The following CAMLG variants were observed in gnomAD, a reference collection of about 807,000 sequenced individuals.
CAMLG encodes the protein guided entry of tail-anchored proteins factor CAMLG.
In CAMLG, 23 loss-of-function variants were observed where a neutral mutation model predicts 28.9. That is an observed-to-expected ratio of 0.80 (90% CI 0.57 to 1.13). The LOEUF (loss-of-function observed/expected upper bound fraction) is 1.13, where lower values mean the gene tolerates loss of function less well. CAMLG is among the 50% of genes most tolerant of loss of function. The pLI, the probability that CAMLG is intolerant of heterozygous loss-of-function variation, is 0.00. For synonymous variants in CAMLG, 141 were observed against 146.5 expected, an observed-to-expected ratio of 0.96 and a Z score of 0.27; for missense variants, 367 against 371.9, an observed-to-expected ratio of 0.99 and a Z score of 0.11.
At chr5:134,746,389 G>A (rs531477934) in intron 3 of CAMLG, among the ~76,000 whole-genome samples, 2 of 152,258 alleles carry the variant, frequency 1.3e-5, no homozygotes, top group African/African-American at 4.8e-5. Context: ...GTGTGATAGA[G>A]ATGTATATAT....
At chr5:134,739,542 T>G (rs1040303987) in intron 1 of CAMLG, among the ~76,000 whole-genome samples, 4 of 152,348 alleles carry the variant, frequency 2.6e-5, no homozygotes, top group African/African-American at 7.2e-5. Context: ...CCAATGATTT[T>G]CTTTAAAAAA....
intron 3 of CAMLG, among the ~76,000 whole-genome samples, chr5:134,747,291 A>G (rs1753060659): frequency 6.6e-6 from 1 of 152,092 alleles, no homozygotes. Flanking sequence ...AGGTGTACAC[A>G]TCGGTATACC....
At chr5:134,742,424 C>CAT (rs1752996073) in intron 2 of CAMLG, among the ~76,000 whole-genome samples, 1 of 152,148 alleles carries the variant, frequency 6.6e-6, no homozygotes, top group African/African-American at 2.4e-5. Flanking sequence ...AAGTGCTTTA[C>CAT]ATATATATAC....
At chr5:134,745,300 G>A (rs559930800) in intron 3 of CAMLG, among the ~76,000 whole-genome samples, 2 of 152,118 alleles carry the variant, frequency 1.3e-5, no homozygotes, top group African/African-American at 2.4e-5. Flanking sequence ...GCCGGGCGTG[G>A]TGGCAGGCAC....
Position 134,738,642 on chromosome 5 carries a change from A to C in CAMLG, c.22A>C (p.Thr8Pro). Reference sequence around the variant, plus strand: ...GAGGATGGAGTCGATGGCCGTCGCTACCGACGGCGGGGAGAGGCCGGGGGT... The same window carrying C: ...GAGGATGGAGTCGATGGCCGTCGCTCCCGACGGCGGGGAGAGGCCGGGGGT... MESMAVA[T>P]DGGERPGVPA... The change falls in exon 1 of 4, where the codon ACC (threonine) becomes CCC (proline). Residue 8 changes from threonine (T) to proline (P), a missense_variant. Physicochemically the swap from Thr to Pro is conservative, Grantham distance 38. Coordinates refer to ENST00000297156, the MANE Select transcript of CAMLG (RefSeq NM_001745.4). 1 of 1,611,932 alleles carries C rather than the reference A, an allele frequency of 6.2e-7. No homozygotes were observed. The highest frequency in any genetic ancestry group is 1.1e-5 in the South Asian group (1 of 91,022).
rs574059578 is a variant in CAMLG, at chr5:134,749,661, G to T, written c.700-1098G>T. ...CCTCTAACTTGTCCTGAGACTTAAC[G>T]CTTCAAAAAACTTTCACTTCTGCCA... On this transcript the variant is annotated intron_variant, in intron 3 of 3. Transcript: ENST00000297156. 3.9e-5 allele frequency among the ~76,000 whole-genome samples: 6 copies of T among 152,222 alleles called. No individual in the cohort carries two copies. In the East Asian group the frequency reaches 7.7e-4, roughly 20 times the overall value.
chr5:134,744,280 C>G (rs560984872), intron 3 of CAMLG, among the ~76,000 whole-genome samples: 1 of 152,052 alleles, frequency 6.6e-6, no homozygotes, highest in Non-Finnish European at 1.5e-5. Context: ...TCCCCACACT[C>G]TAAGAGGCTG....
chr5:134,743,976 T>A lies in CAMLG; in HGVS notation c.634-11T>A. 1 of 1,219,354 alleles carries A rather than the reference T, an allele frequency of 8.2e-7. No individual in the cohort carries two copies. The highest frequency in any genetic ancestry group is 1.2e-6 in the Non-Finnish European group (1 of 832,434). 75.5% of individuals were successfully genotyped at this position (1,219,354 alleles called of 1,614,324 possible). A position where few individuals can be genotyped will look rare whatever the true frequency, so the allele number is the denominator to read the frequency against. On this transcript the variant is annotated splice_polypyrimidine_tract_variant and intron_variant, in intron 2 of 3. Transcript: ENST00000297156. Reference sequence around the variant, plus strand: ...GTTGGAAATATTTAATTTTATCTTCTATCTTCACAGTCCATATTTGCTCCA... The same window carrying A: ...GTTGGAAATATTTAATTTTATCTTCAATCTTCACAGTCCATATTTGCTCCA...
chr5:134,741,072 G>C lies in CAMLG; in HGVS notation c.182G>C (p.Ser61Thr). The C allele has an allele frequency of 6.2e-7, 1 of 1,609,440 alleles. No homozygotes were observed. The highest frequency in any genetic ancestry group is 8.5e-7 in the Non-Finnish European group (1 of 1,175,954). Residue 61 changes from serine (S) to threonine (T), a missense_variant, in exon 2 of 4, where the codon AGT (serine) becomes ACT (threonine). Coordinates refer to ENST00000297156, the MANE Select transcript of CAMLG (RefSeq NM_001745.4). ...HRPGSGAEEE[S>T]QTKSKQQDSD... ...ACATTTCTTTTCTCAGAAGAAGAAAGTCAAACAAAATCAAAGCAGCAGGAC... is the reference window on the plus strand; with the variant it reads ...ACATTTCTTTTCTCAGAAGAAGAAACTCAAACAAAATCAAAGCAGCAGGAC...
At position 134,744,527 on chromosome 5, in the gene CAMLG, C is replaced by CAAAAAAAA. The variant is rs751658223; in HGVS notation, c.699+487_699+494dup. On this transcript the variant is annotated intron_variant, in intron 3 of 3. Transcript: ENST00000297156. ...GGGTGACAGAGTGAGACTCTGTCTCCAAAAAAAAAAAAAAAAAAAGAGTAA... is the reference window on the plus strand; with the variant it reads ...GGGTGACAGAGTGAGACTCTGTCTCCAAAAAAAAAAAAAAAAAAAAAAAAAAAGAGTAA... 4.6e-3 allele frequency among the ~76,000 whole-genome samples: 276 copies of CAAAAAAAA among 60,598 alleles called. 4 individuals are homozygous for CAAAAAAAA. The highest frequency in any genetic ancestry group is 0.014 in the African/African-American group (262 of 19,218). The allele number at this position is 60,598 out of a possible 152,430, so 39.8% of individuals were successfully genotyped here. A position where few individuals can be genotyped will look rare whatever the true frequency, so the allele number is the denominator to read the frequency against.
chr5:134,750,905 C>G lies in CAMLG; in HGVS notation c.846C>G (p.Ile282Met), dbSNP rs777970116. ...TCTGTGTCTACTTTTTCACTTTTAT[C>G]TTTTGTCATGAACTGCTTGATTATT... The part of the protein sequence containing the change: ...TDLCVYFFTF[I>M]FCHELLDYWG... Residue 282 changes from isoleucine (I) to methionine (M), a missense_variant, in exon 4 of 4, where the codon ATC becomes ATG. Coordinates refer to ENST00000297156, the MANE Select transcript of CAMLG (RefSeq NM_001745.4). 2 of 1,613,524 alleles carry G rather than the reference C, an allele frequency of 1.2e-6. No individual in the cohort carries two copies. Among genetic ancestry groups the G allele is most frequent in the African/African-American group, 2.7e-5 (2 of 74,840 alleles).
intron 2 of CAMLG, among the ~76,000 whole-genome samples, chr5:134,741,951 T>C (rs1248238856): frequency 6.6e-6 from 1 of 152,058 alleles, no homozygotes; most frequent in African/African-American, 2.4e-5. Flanking sequence ...GTCTCAAAAA[T>C]ATATGTATGT....
In CAMLG at chr5:134,741,270, T is replaced by A; in HGVS notation, c.380T>A (p.Val127Asp). The stretch of plus-strand genomic sequence containing the variant: ...AAACCACCTGAGTGCAGTAGTGATG[T>A]CAACCTTGAGCTCCGGCAGCGGAAC... ...FIKPPECSSD[V>D]NLELRQRNRG... The change falls in exon 2 of 4, where the codon GTC (valine) becomes GAC (aspartate). Residue 127 changes from valine (V) to aspartate (D), a missense_variant. Val to Asp is a radical substitution (Grantham distance 152, BLOSUM62 -3). Transcript: ENST00000297156. The A allele has an allele frequency of 6.2e-7, 1 of 1,614,130 alleles. No individual in the cohort carries two copies.
chr5:134,738,697 AGCGTCGGGCGGAGCT>A lies in CAMLG; in HGVS notation c.85_99del (p.Ala29_Arg33del). The A allele has an allele frequency of 6.2e-7, 1 of 1,613,808 alleles. No homozygotes were observed. The highest frequency in any genetic ancestry group is 8.5e-7 in the Non-Finnish European group (1 of 1,179,888). ...GCGGGCTCAGGTCTGTCGGCTTCCC[AGCGTCGGGCGGAGCT>A]GCGTCGGAGAAAGCTGCTCATGAAC... is the stretch of plus-strand genomic sequence containing the variant. On this transcript the variant is annotated inframe_deletion, in exon 1 of 4. Coordinates refer to ENST00000297156, the MANE Select transcript of CAMLG (RefSeq NM_001745.4).
chr5:134,742,548 CATA>C (rs1752998065), intron 2 of CAMLG, among the ~76,000 whole-genome samples: 1 of 152,114 alleles, frequency 6.6e-6, no homozygotes, highest in South Asian at 2.1e-4. Flanking sequence ...CCTAATATAT[CATA>C]ATGAGTCCAT....
intron 1 of CAMLG, 52 bp downstream of exon 1, chr5:134,738,844 G>A (rs1233943602): frequency 1.9e-6 from 3 of 1,558,500 alleles, no homozygotes; most frequent in Non-Finnish European, 2.6e-6. Context: ...TGAATCTTCA[G>A]GGTCATTCTT....
At chr5:134,739,670 T>C (rs1365806426) in intron 1 of CAMLG, among the ~76,000 whole-genome samples, 2 of 152,230 alleles carry the variant, frequency 1.3e-5, no homozygotes, top group Non-Finnish European at 2.9e-5. Context: ...TATATCTTTG[T>C]GACTTTTGTT....
In CAMLG at chr5:134,741,150, T is replaced by G; in HGVS notation, c.260T>G (p.Leu87Arg). Residue 87 changes from leucine to arginine, a missense_variant, in exon 2 of 4, where the codon CTG becomes CGG. Coordinates refer to ENST00000297156, the MANE Select transcript of CAMLG (RefSeq NM_001745.4). ...SVPSVSKRVV[L>R]GDSVSTGTTD... ...CCTTCCGTTTCAAAGCGAGTAGTGC[T>G]GGGTGATTCAGTCAGTACAGGAACA... 1 of 1,614,128 alleles carries G rather than the reference T, an allele frequency of 6.2e-7. No homozygotes were observed. The highest frequency in any genetic ancestry group is 8.5e-7 in the Non-Finnish European group (1 of 1,179,946).
chr5:134,749,413 G>T (rs1753087575), intron 3 of CAMLG, among the ~76,000 whole-genome samples: 1 of 152,026 alleles, frequency 6.6e-6, no homozygotes, highest in Admixed American at 6.6e-5. Flanking sequence ...CGTATGATTG[G>T]ATTTTGTGAT....
Sources: allele counts gnomAD v4.1 joint callset (sites outside exome capture counted in the v4.1 genomes callset), GRCh38; gene constraint gnomAD v4.1.1; transcripts MANE v1.5; gene names NCBI Gene and HGNC (gene_info 2026-07-23, HGNC 2026-07-21).